Variants in DAB1 observed in about 807,000 individuals in gnomAD.
DAB1 encodes the protein disabled homolog 1.
A neutral mutation model predicts 64.6 loss-of-function variants in DAB1; 15 were observed. That is an observed-to-expected ratio of 0.23 (90% confidence interval 0.16 to 0.36). DAB1 has a LOEUF of 0.36. Among genes scored for constraint, DAB1 ranks in the 10% least tolerant of loss-of-function variants. DAB1 has a pLI of 1.00. For missense variants in DAB1, 596 were observed against 706.7 expected, an observed-to-expected ratio of 0.84 and a Z score of 1.78; for synonymous variants, 235 against 251.9, an observed-to-expected ratio of 0.93 and a Z score of 0.64.
chr1:57,921,982 C>T (rs1162446515), intron 5 of DAB1, among the ~76,000 whole-genome samples: 1 of 152,218 alleles, frequency 6.6e-6, no homozygotes, highest in African/African-American at 2.4e-5. Context: ...ACTCTTTCCT[C>T]AGCCTGAAAG....
rs549444406 is a variant in DAB1 at position 57,158,156 on chromosome 1, T to C, written c.68-12727A>G. Among the ~76,000 whole-genome samples the C allele has an allele frequency of 3.9e-5, 6 of 152,324 alleles. No individual in the cohort carries two copies. The East Asian group carries it at 1.2e-3, about 29-fold the overall frequency. On this transcript the variant is annotated intron_variant, in intron 2 of 14. Coordinates refer to ENST00000371236, the MANE Select transcript of DAB1 (RefSeq NM_001365792.1). Reference sequence around the variant, plus strand: ...ACCATAGGAATAATATATGTTATGCTCTTAGCACACTGCCTGGCACATGGA... The same window carrying C: ...ACCATAGGAATAATATATGTTATGCCCTTAGCACACTGCCTGGCACATGGA...
At position 57,014,868 on chromosome 1, in the gene DAB1, G is replaced by C. The variant is rs544618957; in HGVS notation, c.1444+15C>G. 6.5e-7 allele frequency: 1 copy of C among 1,534,252 alleles called. No individual in the cohort carries two copies. Among genetic ancestry groups the C allele is most frequent in the Non-Finnish European group, 8.8e-7 (1 of 1,139,316 alleles). On this transcript the variant is annotated intron_variant, in intron 12 of 14. Coordinates refer to ENST00000371236, the MANE Select transcript of DAB1 (RefSeq NM_001365792.1). ...GCTCTCATTGGGTTTTATGTCTTAAGTGAGGGGCACTCACGTGAGTTGGTC... is the reference window on the plus strand; with the variant it reads ...GCTCTCATTGGGTTTTATGTCTTAACTGAGGGGCACTCACGTGAGTTGGTC...
At chr1:57,983,856 G>A (rs1364951009) in intron 5 of DAB1, among the ~76,000 whole-genome samples, 1 of 152,124 alleles carries the variant, frequency 6.6e-6, no homozygotes, top group African/African-American at 2.4e-5. Context: ...TCTACAGTGA[G>A]CCCGAAATGT....
At chr1:57,110,495 T>C (rs1240478250) in intron 4 of DAB1, among the ~76,000 whole-genome samples, 1 of 152,244 alleles carries the variant, frequency 6.6e-6, no homozygotes, top group Non-Finnish European at 1.5e-5. Context: ...ACAAGGTTCC[T>C]TTCAGCTCTG....
At chr1:57,032,728 C>T (rs972334269) in intron 9 of DAB1, among the ~76,000 whole-genome samples, 4 of 152,086 alleles carry the variant, frequency 2.6e-5, no homozygotes, top group Non-Finnish European at 4.4e-5. Context: ...CTGATGATTC[C>T]AATTTGATGC....
intron 4 of DAB1, among the ~76,000 whole-genome samples, chr1:58,163,305 C>T (rs1332286058): frequency 6.6e-6 from 1 of 152,130 alleles, no homozygotes; most frequent in African/African-American, 2.4e-5. Context: ...TCAGAGCAAG[C>T]AATGACATGA....
intron 5 of DAB1, among the ~76,000 whole-genome samples, chr1:57,957,732 C>A (rs529722494): frequency 1.3e-5 from 2 of 152,240 alleles, no homozygotes; most frequent in Admixed American, 1.3e-4. Context: ...GAAAGAAAAA[C>A]CTCTGATGGA....
chr1:58,179,086 T>C (rs951438487), intron 4 of DAB1, among the ~76,000 whole-genome samples: 2 of 152,030 alleles, frequency 1.3e-5, no homozygotes, highest in Non-Finnish European at 2.9e-5. Context: ...TGTATTGAGA[T>C]GATTATAAGG....
intron 1 of DAB1, among the ~76,000 whole-genome samples, chr1:57,839,760 C>G (rs1359178): frequency 0.16 from 23,901 of 152,224 alleles, 2,009 homozygotes; most frequent in East Asian, 0.3. Context: ...GTGTGCTACT[C>G]TGCTCTTGTC....
chr1:57,321,221 A>T (rs1240194498), intron 1 of DAB1, among the ~76,000 whole-genome samples: 1 of 152,164 alleles, frequency 6.6e-6, no homozygotes, highest in African/African-American at 2.4e-5. Context: ...TAGAATCCAA[A>T]AAATGTATAG....
At chr1:57,898,371 T>G (rs1239477254) in intron 5 of DAB1, among the ~76,000 whole-genome samples, 1 of 152,198 alleles carries the variant, frequency 6.6e-6, no homozygotes, top group Non-Finnish European at 1.5e-5. Flanking sequence ...TAAAATTAGT[T>G]GTGTATATCT....
chr1:58,053,081 A>T (rs1319152687), intron 5 of DAB1, among the ~76,000 whole-genome samples: 1 of 152,208 alleles, frequency 6.6e-6, no homozygotes, highest in East Asian at 1.9e-4. Flanking sequence ...GAACTTACTC[A>T]CTTCCAAAAA....
chr1:58,048,108 C>G (rs2100519980), intron 5 of DAB1: 1 of 878,374 alleles, frequency 1.1e-6, no homozygotes. Flanking sequence ...GTTCACAAAT[C>G]TGTTGTAACC....
chr1:58,199,133 A>G (rs1570474790), intron 4 of DAB1, among the ~76,000 whole-genome samples: 1 of 152,242 alleles, frequency 6.6e-6, no homozygotes, highest in Admixed American at 6.5e-5. Flanking sequence ...AAACAAATGT[A>G]CTGGAACTGC....
Position 57,990,857 on chromosome 1 carries a change from G to C in DAB1, n.388-106695C>G, listed in dbSNP as rs542746613. On this transcript the variant is annotated intron_variant and non_coding_transcript_variant, in intron 5 of 20. Coordinates refer to the DAB1 transcript ENST00000485760. ...TGAGAAGGCCAGTCATTTACACTGG[G>C]CACACACACAGTGTTTAGGGTACTC... Among the ~76,000 whole-genome samples the C allele has an allele frequency of 8.5e-5, 13 of 152,250 alleles. 1 individual carries two copies. The highest frequency in any genetic ancestry group is 3.1e-4 in the African/African-American group (13 of 41,550).
intron 3 of DAB1, among the ~76,000 whole-genome samples, chr1:58,406,491 A>G (rs984600660): frequency 1.3e-5 from 2 of 152,250 alleles, no homozygotes; most frequent in Non-Finnish European, 2.9e-5. Flanking sequence ...TTTCAAAGCC[A>G]TAGCCCAGAG....
At chr1:57,665,490 T>G (rs1037982977) in intron 6 of DAB1, among the ~76,000 whole-genome samples, 2 of 152,108 alleles carry the variant, frequency 1.3e-5, no homozygotes, top group African/African-American at 4.8e-5. Flanking sequence ...GACTAAATAA[T>G]TTTACTTTTG....
intron 6 of DAB1, among the ~76,000 whole-genome samples, chr1:57,748,734 G>A (rs1057100135): frequency 1.3e-5 from 2 of 151,774 alleles, no homozygotes; most frequent in African/African-American, 4.8e-5. Flanking sequence ...AAGGACTACT[G>A]TGTGGAAGGT....
At position 57,229,246 on chromosome 1, in the gene DAB1, T is replaced by C. The variant is rs914257133; in HGVS notation, c.67+61718A>G. Reference sequence around the variant, plus strand: ...TCTCACTGTGTCATGCAGGCTGGAGTGCAATGATATGATCGTGGCTCACTG... The same window carrying C: ...TCTCACTGTGTCATGCAGGCTGGAGCGCAATGATATGATCGTGGCTCACTG... On this transcript the variant is annotated intron_variant, in intron 2 of 14. Coordinates refer to ENST00000371236, the MANE Select transcript of DAB1 (RefSeq NM_001365792.1). Among the ~76,000 whole-genome samples the C allele has an allele frequency of 7.3e-5, 11 of 149,890 alleles. No individual in the cohort carries two copies. The Admixed American group carries it at 7.4e-4, about 10-fold the overall frequency.
Sources: gnomAD v4.1 joint callset for allele counts (sites outside exome capture counted in the v4.1 genomes callset) on GRCh38, gnomAD v4.1.1 for gene constraint, MANE v1.5 for transcripts, NCBI Gene and HGNC (gene_info 2026-07-23, HGNC 2026-07-21) for gene names.